KIAA1328: variants seen among roughly 807,000 people sequenced by gnomAD.
KIAA1328 encodes KIAA1328.
A neutral mutation model predicts 68.1 loss-of-function variants in KIAA1328; 52 were observed. The observed-to-expected ratio is 0.76, with a 90% CI of 0.61 to 0.96. KIAA1328 has a LOEUF of 0.96. Ranked by LOEUF, KIAA1328 falls within the 40% of genes least tolerant of loss-of-function variation. The pLI, the probability that KIAA1328 is intolerant of heterozygous loss-of-function variation, is 0.00. For synonymous variants in KIAA1328, 232 were observed against 239.4 expected (o/e 0.97, Z 0.28); for missense variants, 641 against 677.6 (o/e 0.95, Z 0.60).
chr18:37,216,019 T>C (rs1175970967), intron 9 of KIAA1328, among the ~76,000 whole-genome samples: 1 of 152,198 alleles, frequency 6.6e-6, no homozygotes, highest in Non-Finnish European at 1.5e-5. Flanking sequence ...TTTTATCGCA[T>C]CTCTTTGACT....
chr18:37,004,327 A>AT (rs776728379), intron 6 of KIAA1328, among the ~76,000 whole-genome samples: 54 of 151,650 alleles, frequency 3.6e-4, no homozygotes, highest in Non-Finnish European at 5.9e-4. Flanking sequence ...ATTCCTAAGT[A>AT]TTTTTTTTCG....
At chr18:36,901,286 AAAT>A (rs1441480363) in intron 5 of KIAA1328, among the ~76,000 whole-genome samples, 2 of 152,036 alleles carry the variant, frequency 1.3e-5, no homozygotes, top group Non-Finnish European at 2.9e-5. Flanking sequence ...TACATTTAAA[AAAT>A]GTGTATTGTA....
chr18:37,181,985 A>G (rs1390653724), intron 9 of KIAA1328, among the ~76,000 whole-genome samples: 1 of 152,228 alleles, frequency 6.6e-6, no homozygotes, highest in Non-Finnish European at 1.5e-5. Flanking sequence ...CTCTTGGCCC[A>G]TATGACATAA....
At chr18:37,229,211 G>T (rs1294974323), downstream of KIAA1328, among the ~76,000 whole-genome samples, 1 of 152,114 alleles carries the variant, frequency 6.6e-6, no homozygotes, top group Non-Finnish European at 1.5e-5. Context: ...AGTGGAGGCC[G>T]GTGGGTGCCA....
chr18:37,050,711 G>A (rs1376128427), intron 6 of KIAA1328, among the ~76,000 whole-genome samples: 1 of 152,144 alleles, frequency 6.6e-6, no homozygotes. Flanking sequence ...TGAATGACCA[G>A]ATATATAAAT....
Position 37,200,582 on chromosome 18 carries a change from C to T in KIAA1328, c.1524-21435C>T, listed in dbSNP as rs932183192. ...ATCCCAGCACTTTGGGAGGCCGAGG[C>T]GGGTGGATCATGAGGTCAGGAGATC... On this transcript the variant is annotated intron_variant, in intron 9 of 9. Coordinates refer to ENST00000280020, the MANE Select transcript of KIAA1328 (RefSeq NM_020776.3). 7.9e-5 allele frequency among the ~76,000 whole-genome samples: 12 copies of T among 151,792 alleles called. No homozygotes were observed. The East Asian group carries it at 1.9e-3, about 25-fold the overall frequency.
At chr18:36,947,365 T>C (rs1016686660) in intron 5 of KIAA1328, among the ~76,000 whole-genome samples, 1 of 152,172 alleles carries the variant, frequency 6.6e-6, no homozygotes, top group African/African-American at 2.4e-5. Flanking sequence ...GGTGACAGCT[T>C]GATTTTATAC....
intron 6 of KIAA1328, among the ~76,000 whole-genome samples, chr18:36,960,508 T>C: frequency 6.6e-6 from 1 of 152,198 alleles, no homozygotes; most frequent in South Asian, 2.1e-4. Context: ...CCTCCTCAAG[T>C]GGATCCCTGA....
intron 6 of KIAA1328, among the ~76,000 whole-genome samples, chr18:37,024,859 G>C (rs765657111): frequency 3.6e-4 from 55 of 152,214 alleles, no homozygotes; most frequent in Admixed American, 7.9e-4. Flanking sequence ...TGTCTTTATA[G>C]CAGCATGATT....
intron 7 of KIAA1328, among the ~76,000 whole-genome samples, chr18:37,120,158 C>G (rs1011942630): frequency 4.0e-5 from 6 of 151,888 alleles, no homozygotes; most frequent in African/African-American, 1.5e-4. Context: ...GCAAATGAAT[C>G]AGAGGCAGGG....
At chr18:37,051,557 AT>A (rs1366291858) in intron 6 of KIAA1328, among the ~76,000 whole-genome samples, 3 of 152,226 alleles carry the variant, frequency 2.0e-5, no homozygotes, top group African/African-American at 7.2e-5. Context: ...TGAATCAGTA[AT>A]AAAAAATCTA....
chr18:37,220,548 A>T (rs778463932), intron 9 of KIAA1328, among the ~76,000 whole-genome samples: 19 of 152,184 alleles, frequency 1.2e-4, no homozygotes, highest in Non-Finnish European at 2.4e-4. Context: ...GGCTTCTAAT[A>T]TATCTCTGAT....
At chr18:36,992,952 A>G (rs944935787) in intron 6 of KIAA1328, among the ~76,000 whole-genome samples, 1 of 152,126 alleles carries the variant, frequency 6.6e-6, no homozygotes, top group African/African-American at 2.4e-5. Flanking sequence ...AAAAATACCA[A>G]AAAAATCAGT....
intron 1 of KIAA1328, among the ~76,000 whole-genome samples, chr18:36,834,043 T>C (rs1337007229): frequency 2.6e-5 from 4 of 152,248 alleles, no homozygotes; most frequent in Non-Finnish European, 5.9e-5. Context: ...AAAAGTTTCA[T>C]GGAACAAGAC....
In KIAA1328 at chr18:37,225,294, G is replaced by A; in HGVS notation, c.*3067G>A. On this transcript the variant is annotated 3_prime_UTR_variant, in exon 10 of 10. Transcript: ENST00000280020. ...TGAGCAAATGTTTATGTACGTATGA[G>A]ATTTCAAGTTAATAAATCATCTCTA... 1 of 985,296 alleles carries A rather than the reference G, an allele frequency of 1.0e-6. No individual in the cohort carries two copies. The highest frequency in any genetic ancestry group is 1.2e-6 in the Non-Finnish European group (1 of 829,926). The allele number at this position is 985,296 out of a possible 1,614,324, so 61.0% of individuals were successfully genotyped here.
At chr18:37,031,464 T>G (rs1243549875) in intron 6 of KIAA1328, among the ~76,000 whole-genome samples, 1 of 152,224 alleles carries the variant, frequency 6.6e-6, no homozygotes, top group Admixed American at 6.5e-5. Flanking sequence ...ATACCTAATA[T>G]GTTATTAATA....
In KIAA1328 at chr18:36,942,138, A is replaced by G. The variant is rs146442519; in HGVS notation, c.449-17170A>G. On this transcript the variant is annotated intron_variant, in intron 5 of 9. Coordinates refer to ENST00000280020, the MANE Select transcript of KIAA1328 (RefSeq NM_020776.3). ...GGGATATAAAGTTGTAACACCATCT[A>G]TTAGTAGGTATGGCTTATAACACAA... Among the ~76,000 whole-genome samples the G allele has an allele frequency of 2.7e-3, 405 of 152,346 alleles. 1 individual carries two copies. The highest frequency in any genetic ancestry group is 9.0e-3 in the African/African-American group (375 of 41,582).
chr18:36,947,195 G>A (rs2050939050), intron 5 of KIAA1328, among the ~76,000 whole-genome samples: 1 of 152,060 alleles, frequency 6.6e-6, no homozygotes, highest in African/African-American at 2.4e-5. Flanking sequence ...TGTATTACAT[G>A]GTAAGATAAA....
intron 9 of KIAA1328, among the ~76,000 whole-genome samples, chr18:37,212,005 A>G (rs1421353469): frequency 1.3e-5 from 2 of 152,196 alleles, no homozygotes; most frequent in African/African-American, 4.8e-5. Context: ...TAAGCATGAA[A>G]TTGGATAGAA....
Sources: allele counts gnomAD v4.1 joint callset (sites outside exome capture counted in the v4.1 genomes callset), GRCh38; gene constraint gnomAD v4.1.1; transcripts MANE v1.5; gene names NCBI Gene and HGNC (gene_info 2026-07-23, HGNC 2026-07-21).